Variants in TRDN observed in about 807,000 individuals in gnomAD.
The protein encoded by TRDN is triadin in skeletal muscle.
In TRDN, 161 loss-of-function variants were observed where a neutral mutation model predicts 149.7. That is an observed-to-expected ratio of 1.08 (90% confidence interval 0.95 to 1.23). The LOEUF is 1.23. Ranked by LOEUF, TRDN falls within the 50% of genes most tolerant of loss-of-function variation. The pLI, the probability that TRDN is intolerant of heterozygous loss-of-function variation, is 0.00. For synonymous variants in TRDN, 294 were observed against 250.5 expected (o/e 1.17, Z -1.64); for missense variants, 896 against 823.5 (o/e 1.09, Z -1.08).
At chr6:123,568,841 C>T (rs913560446) in intron 2 of TRDN, among the ~76,000 whole-genome samples, 3 of 152,190 alleles carry the variant, frequency 2.0e-5, no homozygotes, top group Non-Finnish European at 4.4e-5. Flanking sequence ...CCTTCAAGAC[C>T]TTTTTCCCAT....
chr6:123,273,215 C>G, intron 28 of TRDN, 122 bp downstream of exon 28: 1 of 863,864 alleles, frequency 1.2e-6, no homozygotes, highest in Non-Finnish European at 1.7e-6. Flanking sequence ...CTATAGTTTT[C>G]AAAACACAGG....
chr6:123,477,381 A>G (rs1483018339), intron 9 of TRDN, among the ~76,000 whole-genome samples: 1 of 148,074 alleles, frequency 6.8e-6, no homozygotes, highest in African/African-American at 2.5e-5. Flanking sequence ...CACCAGTTAG[A>G]ATGGCAATCA....
At chr6:123,522,303 T>C (rs1277657568) in intron 5 of TRDN, among the ~76,000 whole-genome samples, 1 of 152,134 alleles carries the variant, frequency 6.6e-6, no homozygotes, top group Non-Finnish European at 1.5e-5. Flanking sequence ...TTCCTGTCTT[T>C]TCTGATTTGT....
chr6:123,534,833 A>T (rs1366215906), intron 4 of TRDN, among the ~76,000 whole-genome samples: 3 of 152,142 alleles, frequency 2.0e-5, no homozygotes, highest in Non-Finnish European at 4.4e-5. Flanking sequence ...TTTTACTTAA[A>T]CATCATGACA....
intron 3 of TRDN, among the ~76,000 whole-genome samples, chr6:123,548,004 G>A (rs575050010): frequency 1.3e-5 from 2 of 152,082 alleles, no homozygotes; most frequent in African/African-American, 4.8e-5. Flanking sequence ...TGTACTTTTA[G>A]TAAGATTGCT....
At chr6:123,409,798 T>G (rs1773359115) in intron 12 of TRDN, among the ~76,000 whole-genome samples, 1 of 152,012 alleles carries the variant, frequency 6.6e-6, no homozygotes, top group African/African-American at 2.4e-5. Context: ...TTTTATGAAA[T>G]TCATTGAAAC....
At chr6:123,366,217 A>G (rs758533929) in intron 19 of TRDN, 35 bp from the exon 20 acceptor site, 1 of 1,586,378 alleles carries the variant, frequency 6.3e-7, no homozygotes. Flanking sequence ...TGAGAAGTGG[A>G]TATTAGTGAT....
intron 34 of TRDN, 107 bp from the exon 35 acceptor site, chr6:123,259,769 G>A: frequency 1.4e-6 from 1 of 733,922 alleles, no homozygotes; most frequent in Non-Finnish European, 2.1e-6. Flanking sequence ...ATGAGTGGAG[G>A]GAGTCAGGGC....
In TRDN at chr6:123,311,638, T is replaced by C. The variant is rs117076964; in HGVS notation, c.1510+4819A>G. On this transcript the variant is annotated intron_variant, in intron 24 of 40. Coordinates refer to ENST00000334268, the MANE Select transcript of TRDN (RefSeq NM_006073.4). ...TAGATCAGTAGGCCATAAGAACTTT[T>C]AAGGGTCGTTAAACATGGTTCTTTA... 3.1e-3 allele frequency among the ~76,000 whole-genome samples: 475 copies of C among 152,086 alleles called. 1 individual carries two copies. The highest frequency in any genetic ancestry group is 6.8e-3 in the Middle Eastern group (2 of 294).
At chr6:123,474,583 C>T (rs1403078790) in intron 9 of TRDN, among the ~76,000 whole-genome samples, 2 of 152,162 alleles carry the variant, frequency 1.3e-5, no homozygotes, top group Non-Finnish European at 2.9e-5. Context: ...ACCTAATAGA[C>T]ATCTAAAGAA....
intron 12 of TRDN, among the ~76,000 whole-genome samples, chr6:123,437,110 G>A (rs773979259): frequency 2.2e-4 from 33 of 151,836 alleles, no homozygotes; most frequent in Non-Finnish European, 3.1e-4. Context: ...AGCAAAAATC[G>A]AAACTGTCAA....
chr6:123,484,325 A>G (rs1777890359), intron 9 of TRDN, among the ~76,000 whole-genome samples: 1 of 152,196 alleles, frequency 6.6e-6, no homozygotes, highest in African/African-American at 2.4e-5. Flanking sequence ...AAAGAGTCCT[A>G]TTCTCTATTT....
At chr6:123,251,983 T>C (rs1776391775) in intron 38 of TRDN, among the ~76,000 whole-genome samples, 1 of 152,034 alleles carries the variant, frequency 6.6e-6, no homozygotes, top group Non-Finnish European at 1.5e-5. Flanking sequence ...ACAATTTAGG[T>C]TTCTTAGATA....
chr6:123,427,945 T>C (rs1774192588), intron 12 of TRDN, among the ~76,000 whole-genome samples: 1 of 152,172 alleles, frequency 6.6e-6, no homozygotes, highest in African/African-American at 2.4e-5. Context: ...GTTGGTTTTC[T>C]AAAATACTTA....
At chr6:123,584,918 T>G (rs945910317) in intron 1 of TRDN, among the ~76,000 whole-genome samples, 3 of 152,050 alleles carry the variant, frequency 2.0e-5, no homozygotes, top group Non-Finnish European at 4.4e-5. Context: ...GCTTGTCTGG[T>G]TTTAGGACAG....
intron 24 of TRDN, among the ~76,000 whole-genome samples, chr6:123,304,994 T>G (rs1469358514): frequency 6.6e-6 from 1 of 152,166 alleles, no homozygotes; most frequent in Non-Finnish European, 1.5e-5. Context: ...CTCCAAAAAT[T>G]TAAAAACTAT....
intron 37 of TRDN, among the ~76,000 whole-genome samples, chr6:123,254,410 C>A (rs1347689131): frequency 1.3e-5 from 2 of 151,916 alleles, no homozygotes; most frequent in Non-Finnish European, 2.9e-5. Flanking sequence ...TTTTCTCTCC[C>A]TACTAGAGAT....
chr6:123,331,250 AT>A (rs1779649304), intron 23 of TRDN, among the ~76,000 whole-genome samples: 1 of 152,068 alleles, frequency 6.6e-6, no homozygotes, highest in Admixed American at 6.6e-5. Flanking sequence ...GCATATCAGA[AT>A]CCACCTTACT....
intron 24 of TRDN, among the ~76,000 whole-genome samples, chr6:123,308,010 C>G (rs959857770): frequency 2.6e-5 from 4 of 152,004 alleles, no homozygotes; most frequent in African/African-American, 9.7e-5. Context: ...TTTGTCCCCT[C>G]TCTTTCTCCC....
Sources: allele counts gnomAD v4.1 joint callset (sites outside exome capture counted in the v4.1 genomes callset), GRCh38; gene constraint gnomAD v4.1.1; transcripts MANE v1.5; gene names NCBI Gene and HGNC (gene_info 2026-07-23, HGNC 2026-07-21).